DACH1: variants seen among roughly 807,000 people sequenced by gnomAD.
DACH1 encodes the protein dachshund family transcription factor 1.
A neutral mutation model predicts 54.2 loss-of-function variants in DACH1; 12 were observed. That is an observed-to-expected ratio of 0.22 (90% CI 0.14 to 0.36). DACH1 has a LOEUF of 0.36. Ranked by LOEUF, DACH1 falls within the 10% of genes least tolerant of loss-of-function variation. DACH1 has a pLI of 1.00. For synonymous variants in DACH1, 386 were observed against 366.2 expected (o/e 1.05, Z -0.62); for missense variants, 805 against 929.8 (o/e 0.87, Z 1.75).
chr13:71,655,717 A>G (rs1879048818), intron 2 of DACH1, among the ~76,000 whole-genome samples: 1 of 152,148 alleles, frequency 6.6e-6, no homozygotes, highest in Non-Finnish European at 1.5e-5. Context: ...AAAATTAAAA[A>G]TCTTAGAAAT....
At chr13:71,825,574 C>T (rs1201810559) in intron 1 of DACH1, among the ~76,000 whole-genome samples, 1 of 151,944 alleles carries the variant, frequency 6.6e-6, no homozygotes, top group African/African-American at 2.4e-5. Flanking sequence ...TTGTGGCTGG[C>T]TTCTTTCACT....
At position 71,865,696 on chromosome 13, in the gene DACH1, G is replaced by A. The variant is rs140005436; in HGVS notation, c.848+226C>T. 7.1e-3 allele frequency among the ~76,000 whole-genome samples: 1,077 copies of A among 152,274 alleles called. 8 individuals are homozygous for A. The highest frequency in any genetic ancestry group is 0.027 in the South Asian group (130 of 4,832). On this transcript the variant is annotated intron_variant, in intron 1 of 10. Coordinates refer to ENST00000613252, the MANE Select transcript of DACH1 (RefSeq NM_080759.6). ...CCCATCCCCGGGACCCAGAGGGCAA[G>A]GGGAGGACCGGGCCGAAGAGCGAGG...
chr13:71,710,982 C>T (rs1451182778), intron 1 of DACH1, among the ~76,000 whole-genome samples: 4 of 151,854 alleles, frequency 2.6e-5, no homozygotes. Flanking sequence ...CAAACAATAC[C>T]CTAGTCAGTT....
At position 71,634,832 on chromosome 13, in the gene DACH1, T is replaced by A. The variant is rs74780724; in HGVS notation, c.965-4115A>T. On this transcript the variant is annotated intron_variant, in intron 2 of 10. Coordinates refer to ENST00000613252, the MANE Select transcript of DACH1 (RefSeq NM_080759.6). ...CCCTAGCATCTGAGATTCTGAATCATCAGGTCTGGTTTGAGGCCTCTGCAA... is the reference window on the plus strand; with the variant it reads ...CCCTAGCATCTGAGATTCTGAATCAACAGGTCTGGTTTGAGGCCTCTGCAA... 9.6e-3 allele frequency among the ~76,000 whole-genome samples: 1,462 copies of A among 152,304 alleles called. 29 individuals are homozygous for A. The highest frequency in any genetic ancestry group is 0.032 in the African/African-American group (1,340 of 41,572).
intron 10 of DACH1, among the ~76,000 whole-genome samples, chr13:71,442,356 T>C (rs1874080882): frequency 6.6e-6 from 1 of 152,178 alleles, no homozygotes; most frequent in Non-Finnish European, 1.5e-5. Flanking sequence ...TCCATGTTGC[T>C]GTAAATGACA....
chr13:71,458,973 C>A (rs1221205247), intron 10 of DACH1, among the ~76,000 whole-genome samples: 1 of 151,696 alleles, frequency 6.6e-6, no homozygotes, highest in Non-Finnish European at 1.5e-5. Context: ...TTTGGCCCTG[C>A]ACTTCAGTGT....
intron 9 of DACH1, 84 bp from the exon 10 acceptor site, chr13:71,475,293 G>A (rs917281312): frequency 3.6e-6 from 4 of 1,106,148 alleles, no homozygotes; most frequent in East Asian, 4.8e-5. Context: ...CTGTTACTTT[G>A]GTGCTGAATT....
rs141917405 is a variant in DACH1, at chr13:71,599,741, C to T, written c.1127-26729G>A. On this transcript the variant is annotated intron_variant, in intron 3 of 10. Coordinates refer to ENST00000613252, the MANE Select transcript of DACH1 (RefSeq NM_080759.6). ...CAATAACCCTCTCATTGATTTCATA[C>T]TAATTATGCTAATGTTAATTTTTTT... Among the ~76,000 whole-genome samples the T allele has an allele frequency of 3.7e-3, 555 of 152,044 alleles. 11 individuals are homozygous for T. Among genetic ancestry groups the T allele is most frequent in the African/African-American group, 0.013 (536 of 41,476 alleles).
At chr13:71,517,693 A>G (rs1358249678) in intron 6 of DACH1, among the ~76,000 whole-genome samples, 1 of 151,828 alleles carries the variant, frequency 6.6e-6, no homozygotes, top group African/African-American at 2.4e-5. Flanking sequence ...AACATACTCT[A>G]TATCTTGGCC....
chr13:71,752,181 C>T (rs1884955260), intron 1 of DACH1, among the ~76,000 whole-genome samples: 1 of 152,226 alleles, frequency 6.6e-6, no homozygotes, highest in East Asian at 1.9e-4. Flanking sequence ...CATGTCATAG[C>T]TCATAAATGC....
chr13:71,602,690 G>A (rs1166431027), intron 3 of DACH1, among the ~76,000 whole-genome samples: 1 of 151,908 alleles, frequency 6.6e-6, no homozygotes, highest in Non-Finnish European at 1.5e-5. Flanking sequence ...AATCAAGGCT[G>A]TTTTAGACAT....
intron 1 of DACH1, among the ~76,000 whole-genome samples, chr13:71,721,448 C>T (rs1004038980): frequency 1.3e-5 from 2 of 152,060 alleles, no homozygotes; most frequent in Non-Finnish European, 2.9e-5. Flanking sequence ...ACTTAAATGC[C>T]ACTTTTACTC....
At chr13:71,846,798 T>C (rs1873310141) in intron 1 of DACH1, among the ~76,000 whole-genome samples, 1 of 152,240 alleles carries the variant, frequency 6.6e-6, no homozygotes, top group Non-Finnish European at 1.5e-5. Context: ...TGATCTTTAG[T>C]GCCCTCATCT....
chr13:71,534,817 G>A (rs1489020395), intron 6 of DACH1, among the ~76,000 whole-genome samples: 1 of 151,660 alleles, frequency 6.6e-6, no homozygotes, highest in Non-Finnish European at 1.5e-5. Context: ...ATGATTGAAC[G>A]AAAAACAAGT....
intron 1 of DACH1, among the ~76,000 whole-genome samples, chr13:71,773,655 G>A (rs534045263): frequency 1.4e-4 from 21 of 151,960 alleles, no homozygotes; most frequent in African/African-American, 4.3e-4. Flanking sequence ...TATATGTTTC[G>A]ACAATAAAAT....
intron 6 of DACH1, 63 bp downstream of exon 6, chr13:71,556,961 T>C (rs768869843): frequency 3.4e-6 from 5 of 1,481,192 alleles, no homozygotes; most frequent in Admixed American, 2.3e-5. Flanking sequence ...CATTGTGTGA[T>C]TAAAATCTAG....
chr13:71,448,741 G>A (rs1446266557), intron 10 of DACH1, among the ~76,000 whole-genome samples: 1 of 151,544 alleles, frequency 6.6e-6, no homozygotes, highest in African/African-American at 2.4e-5. Flanking sequence ...GTGATTTCCA[G>A]ATGTTTGAAG....
intron 1 of DACH1, among the ~76,000 whole-genome samples, chr13:71,734,191 ACGTATACC>A (rs1487292572): frequency 2.0e-3 from 57 of 28,066 alleles, no homozygotes; most frequent in African/African-American, 7.9e-3. Flanking sequence ...TATCCCATAT[ACGTATACC>A]CATATATATG....
intron 4 of DACH1, among the ~76,000 whole-genome samples, chr13:71,564,133 G>T (rs74095976): frequency 1.5e-3 from 227 of 151,976 alleles, no homozygotes; most frequent in African/African-American, 5.4e-3. Context: ...GAGAATAATG[G>T]AGACAATAAA....
Sources: gnomAD v4.1 joint callset for allele counts (sites outside exome capture counted in the v4.1 genomes callset) on GRCh38, gnomAD v4.1.1 for gene constraint, MANE v1.5 for transcripts, NCBI Gene and HGNC (gene_info 2026-07-23, HGNC 2026-07-21) for gene names.